Variants in ZNF804A observed in about 807,000 individuals in gnomAD.
ZNF804A encodes the protein zinc finger protein 804A.
A neutral mutation model predicts 16.5 loss-of-function variants in ZNF804A; 2 were observed. The ratio of observed to expected loss-of-function variants is 0.12; its 90% confidence interval spans 0.05 to 0.38. The LOEUF (loss-of-function observed/expected upper bound fraction) is 0.38. Among genes scored for constraint, ZNF804A ranks in the 10% least tolerant of loss-of-function variants. The pLI, the probability that ZNF804A is intolerant of heterozygous loss-of-function variation, is 0.99. For synonymous variants in ZNF804A, 534 were observed against 489.6 expected (o/e 1.09, Z -1.20); for missense variants, 1,473 against 1,390.7 (o/e 1.06, Z -0.94).
At chr2:184,713,500 T>C (rs16826171) in intron 1 of ZNF804A, among the ~76,000 whole-genome samples, 2,754 of 152,014 alleles carry the variant, frequency 0.018, 76 homozygotes, top group African/African-American at 0.061. Context: ...ATAGGTTGTA[T>C]ATGGCACTCT....
intron 1 of ZNF804A, among the ~76,000 whole-genome samples, chr2:184,703,689 C>CAAA (rs10593157): frequency 3.0e-4 from 17 of 56,438 alleles, no homozygotes; most frequent in African/African-American, 7.2e-4. Context: ...GACTCCGGTT[C>CAAA]AAAAAAAAAA....
intron 2 of ZNF804A, among the ~76,000 whole-genome samples, chr2:184,878,178 C>T (rs72907717): frequency 0.05 from 7,665 of 152,128 alleles, 257 homozygotes; most frequent in Middle Eastern, 0.078. Flanking sequence ...TTCTCTTTTA[C>T]TCTCTTTAGA....
chr2:184,880,049 A>G (rs1030067855), intron 2 of ZNF804A, among the ~76,000 whole-genome samples: 1 of 152,044 alleles, frequency 6.6e-6, no homozygotes, highest in Non-Finnish European at 1.5e-5. Flanking sequence ...AATATTTGCA[A>G]CCAACTACTT....
intron 1 of ZNF804A, among the ~76,000 whole-genome samples, chr2:184,671,992 G>A (rs527483678): frequency 6.6e-6 from 1 of 152,186 alleles, no homozygotes; most frequent in African/African-American, 2.4e-5. Context: ...TGATGTCTTG[G>A]TTCTCTTCAC....
chr2:184,599,141 G>A (rs1362528739), intron 1 of ZNF804A, 71 bp downstream of exon 1: 1 of 1,227,892 alleles, frequency 8.1e-7, no homozygotes, highest in African/African-American at 1.5e-5. Flanking sequence ...AGTTTTTGGA[G>A]GTTTTGAGAT....
intron 1 of ZNF804A, among the ~76,000 whole-genome samples, chr2:184,667,954 T>A (rs1451585425): frequency 6.6e-6 from 1 of 151,820 alleles, no homozygotes; most frequent in Admixed American, 6.6e-5. Context: ...TAATACTCAT[T>A]GCTTTGAGGC....
chr2:184,898,919 T>TGTAATTGTGTAAA (rs1685132066), intron 2 of ZNF804A, among the ~76,000 whole-genome samples: 1 of 152,010 alleles, frequency 6.6e-6, no homozygotes, highest in Admixed American at 6.6e-5. Flanking sequence ...TGTAACTATT[T>TGTAATTGTGTAAA]TATGATAATA....
chr2:184,693,239 A>G, intron 1 of ZNF804A, among the ~76,000 whole-genome samples: 2 of 152,306 alleles, frequency 1.3e-5, no homozygotes, highest in Admixed American at 1.3e-4. Flanking sequence ...ATTATTTAGA[A>G]TAAGGTATTC....
chr2:184,877,297 C>G (rs1375271767), intron 2 of ZNF804A, among the ~76,000 whole-genome samples: 2 of 151,888 alleles, frequency 1.3e-5, no homozygotes, highest in Non-Finnish European at 2.9e-5. Context: ...TTTACTAATA[C>G]TTTATTTTAT....
At chr2:184,745,451 T>G (rs1693774412) in intron 1 of ZNF804A, among the ~76,000 whole-genome samples, 1 of 151,694 alleles carries the variant, frequency 6.6e-6, no homozygotes, top group Admixed American at 6.6e-5. Context: ...TCTACTTATG[T>G]TAGTATTCCT....
intron 1 of ZNF804A, among the ~76,000 whole-genome samples, chr2:184,607,846 C>G (rs1559106638): frequency 1.3e-5 from 2 of 151,190 alleles, no homozygotes; most frequent in Non-Finnish European, 2.9e-5. Context: ...CCAGAAATAC[C>G]AGGACACAAC....
At chr2:184,882,305 A>C (rs776209995) in intron 2 of ZNF804A, among the ~76,000 whole-genome samples, 28 of 152,132 alleles carry the variant, frequency 1.8e-4, no homozygotes, top group Non-Finnish European at 4.0e-4. Context: ...TTCATAAAGC[A>C]AGTTCCTAAA....
At chr2:184,702,996 C>T (rs1434555857) in intron 1 of ZNF804A, among the ~76,000 whole-genome samples, 1 of 152,120 alleles carries the variant, frequency 6.6e-6, no homozygotes, top group Non-Finnish European at 1.5e-5. Flanking sequence ...ATGCATATGT[C>T]ATATTATGCA....
chr2:184,755,614 G>A (rs1010172398), intron 1 of ZNF804A, among the ~76,000 whole-genome samples: 3 of 151,944 alleles, frequency 2.0e-5, no homozygotes, highest in African/African-American at 7.2e-5. Flanking sequence ...TTGAGATGCA[G>A]TGTTGAGGTA....
At chr2:184,663,318 G>A (rs10166617) in intron 1 of ZNF804A, among the ~76,000 whole-genome samples, 4,898 of 152,224 alleles carry the variant, frequency 0.032, 271 homozygotes, top group African/African-American at 0.11. Flanking sequence ...GAGCCTGGGC[G>A]CTGTCACTGC....
Position 184,877,978 on chromosome 2 carries a change from C to T in ZNF804A, c.255+11466C>T, listed in dbSNP as rs566302341. 7.2e-5 allele frequency among the ~76,000 whole-genome samples: 11 copies of T among 152,078 alleles called. No homozygotes were observed. In the South Asian group the frequency reaches 8.3e-4, roughly 11 times the overall value. On this transcript the variant is annotated intron_variant, in intron 2 of 3. Transcript: ENST00000302277. ...AGGCATTGACCCGTAGAAGGGGAGA[C>T]GCATTACAAAGATACAAAGAAAGTA...
chr2:184,846,422 C>T (rs1276778520), intron 1 of ZNF804A, among the ~76,000 whole-genome samples: 1 of 152,016 alleles, frequency 6.6e-6, no homozygotes, highest in Non-Finnish European at 1.5e-5. Context: ...AATAAGTACC[C>T]TCAATTACTA....
chr2:184,902,403 T>C (rs1034024689), intron 2 of ZNF804A: 1 of 153,308 alleles, frequency 6.5e-6, no homozygotes, highest in Non-Finnish European at 1.5e-5. Context: ...TTGGGCTGCT[T>C]TGGAGCCTCA....
At chr2:184,889,429 G>T (rs1684946987) in intron 2 of ZNF804A, among the ~76,000 whole-genome samples, 2 of 151,436 alleles carry the variant, frequency 1.3e-5, no homozygotes, top group Non-Finnish European at 2.9e-5. Flanking sequence ...TTTTATTATT[G>T]TCAAAATAAA....
Sources: allele counts gnomAD v4.1 joint callset (sites outside exome capture counted in the v4.1 genomes callset), GRCh38; gene constraint gnomAD v4.1.1; transcripts MANE v1.5; gene names NCBI Gene and HGNC (gene_info 2026-07-23, HGNC 2026-07-21).